Variants in FAM169A observed in about 807,000 individuals in gnomAD.
The protein encoded by FAM169A is family with sequence similarity 169 member A, also known as soluble lamin-associated protein of 75 kDa.
Under a neutral mutation model 75.7 loss-of-function variants are expected in FAM169A, and 24 were observed. That is an observed-to-expected ratio of 0.32 (90% CI 0.23 to 0.45). The LOEUF (loss-of-function observed/expected upper bound fraction) is 0.45. FAM169A is among the 20% of genes least tolerant of loss of function. FAM169A has a pLI of 1.00. For synonymous variants in FAM169A, 271 were observed against 271.0 expected (o/e 1.00, Z 0.00); for missense variants, 673 against 784.0 (o/e 0.86, Z 1.69).
At position 74,801,725 on chromosome 5, in the gene FAM169A, G is replaced by A. The variant is rs1746589622; in HGVS notation, c.913-96C>T. 4.4e-6 allele frequency: 4 copies of A among 914,776 alleles called. No individual in the cohort carries two copies. The East Asian group carries it at 7.3e-5, about 17-fold the overall frequency. 56.7% of individuals were successfully genotyped at this position (914,776 alleles called of 1,614,324 possible). A position where few individuals can be genotyped will look rare whatever the true frequency, so the allele number is the denominator to read the frequency against. On this transcript the variant is annotated intron_variant, in intron 8 of 12. Coordinates refer to ENST00000687041, the MANE Select transcript of FAM169A (RefSeq NM_001376049.1). ...AGTTTCAAAGAAAAACTTGTAAAAT[G>A]TTTTCCAAATAGCACTTTTTGTTAA...
intron 5 of FAM169A, among the ~76,000 whole-genome samples, chr5:74,821,604 G>A (rs573645995): frequency 2.0e-5 from 3 of 152,286 alleles, no homozygotes; most frequent in Non-Finnish European, 2.9e-5. Flanking sequence ...CAGTCTTCAT[G>A]CTCTATAAAT....
At chr5:74,853,833 G>C (rs527613641) in intron 1 of FAM169A, among the ~76,000 whole-genome samples, 1 of 147,894 alleles carries the variant, frequency 6.8e-6, no homozygotes, top group South Asian at 2.1e-4. Flanking sequence ...TCAGCCTCCC[G>C]AGTAGCTAGG....
At chr5:74,788,825 C>T (rs1051009744) in intron 11 of FAM169A, among the ~76,000 whole-genome samples, 2 of 152,140 alleles carry the variant, frequency 1.3e-5, no homozygotes, top group African/African-American at 2.4e-5. Context: ...CATCACATCA[C>T]GGTTCAACTC....
intron 11 of FAM169A, among the ~76,000 whole-genome samples, chr5:74,788,126 T>C (rs960290987): frequency 5.3e-5 from 8 of 152,166 alleles, no homozygotes; most frequent in African/African-American, 1.7e-4. Context: ...TGAGCTGACG[T>C]TGATTCCGGG....
chr5:74,802,840 A>G (rs1188114501), intron 8 of FAM169A, among the ~76,000 whole-genome samples: 1 of 152,092 alleles, frequency 6.6e-6, no homozygotes, highest in African/African-American at 2.4e-5. Context: ...GCTTCAACCA[A>G]CTTGTAGTCC....
chr5:74,789,361 A>G (rs1745859527), intron 11 of FAM169A, among the ~76,000 whole-genome samples: 1 of 152,208 alleles, frequency 6.6e-6, no homozygotes, highest in Non-Finnish European at 1.5e-5. Flanking sequence ...CTGTTGAGAT[A>G]TTCCTTCTAA....
At chr5:74,806,091 C>A (rs1004639328) in intron 6 of FAM169A, among the ~76,000 whole-genome samples, 4 of 150,942 alleles carry the variant, frequency 2.7e-5, no homozygotes, top group African/African-American at 9.7e-5. Context: ...GTATTTGAAA[C>A]CAAGCATTTA....
intron 5 of FAM169A, among the ~76,000 whole-genome samples, chr5:74,814,386 TG>T (rs933965589): frequency 2.6e-5 from 4 of 152,156 alleles, no homozygotes; most frequent in African/African-American, 9.6e-5. Flanking sequence ...GAAGAGTATT[TG>T]AAGACTATCA....
intron 11 of FAM169A, among the ~76,000 whole-genome samples, chr5:74,784,317 A>G (rs1745557997): frequency 6.6e-6 from 1 of 151,786 alleles, no homozygotes; most frequent in African/African-American, 2.4e-5. Context: ...AGAAACCAGC[A>G]TGGCCAATAT....
chr5:74,799,521 G>A, intron 10 of FAM169A: 1 of 1,574,216 alleles, frequency 6.4e-7, no homozygotes, highest in Non-Finnish European at 8.7e-7. Flanking sequence ...TTAAAGAAGT[G>A]GATGAAAAGC....
chr5:74,783,320 A>G (rs1181835064), intron 11 of FAM169A, among the ~76,000 whole-genome samples, 186 bp from the exon 12 acceptor site: 1 of 152,208 alleles, frequency 6.6e-6, no homozygotes, highest in Non-Finnish European at 1.5e-5. Flanking sequence ...ATATCAGCAA[A>G]ATAAAATAAT....
intron 5 of FAM169A, among the ~76,000 whole-genome samples, chr5:74,824,706 CAT>C (rs1747930619): frequency 3.2e-5 from 4 of 124,362 alleles, no homozygotes; most frequent in African/African-American, 1.8e-4. Context: ...GATACACACA[CAT>C]ACACACACAC....
chr5:74,787,062 CTAGAGG>C (rs779486509), intron 11 of FAM169A, among the ~76,000 whole-genome samples: 8 of 152,132 alleles, frequency 5.3e-5, no homozygotes, highest in Non-Finnish European at 1.0e-4. Context: ...CGGTGGCCTC[CTAGAGG>C]TGAAGTTCAG....
At chr5:74,811,159 T>C (rs1421602360) in intron 6 of FAM169A, among the ~76,000 whole-genome samples, 2 of 152,006 alleles carry the variant, frequency 1.3e-5, no homozygotes, top group African/African-American at 2.4e-5. Context: ...AATTTTCACA[T>C]TTTTAATGGA....
chr5:74,833,848 T>C (rs1748440400), intron 5 of FAM169A, among the ~76,000 whole-genome samples: 1 of 152,152 alleles, frequency 6.6e-6, no homozygotes, highest in Admixed American at 6.5e-5. Context: ...GTAAAGCAGG[T>C]ATGAGGTTGC....
intron 5 of FAM169A, among the ~76,000 whole-genome samples, chr5:74,833,749 A>G (rs1403186081): frequency 1.3e-5 from 2 of 152,186 alleles, no homozygotes; most frequent in Non-Finnish European, 2.9e-5. Flanking sequence ...TGATGGTCAC[A>G]AGGTGTGGAT....
rs536853735 is a variant in FAM169A, at chr5:74,827,835, G to T, written c.490+6591C>A. Among the ~76,000 whole-genome samples, 307 of 149,516 alleles carry T rather than the reference G, an allele frequency of 2.1e-3. 1 individual carries two copies. Among genetic ancestry groups the T allele is most frequent in the Middle Eastern group, 6.9e-3 (2 of 288 alleles). On this transcript the variant is annotated intron_variant, in intron 5 of 12. Transcript: ENST00000687041. ...CCGCCATCATGCCCGGCTAATTTTTGTATTTTTTTTTGTACAGACGGAGTT... is the reference window on the plus strand; with the variant it reads ...CCGCCATCATGCCCGGCTAATTTTTTTATTTTTTTTTGTACAGACGGAGTT...
At chr5:74,822,610 T>C (rs1747820045) in intron 5 of FAM169A, among the ~76,000 whole-genome samples, 1 of 152,184 alleles carries the variant, frequency 6.6e-6, no homozygotes, top group Non-Finnish European at 1.5e-5. Context: ...CTCATACCAA[T>C]ATTCACAAAT....
At chr5:74,834,392 T>C (rs1165801212) in intron 5 of FAM169A, 34 bp downstream of exon 5, 3 of 1,345,010 alleles carry the variant, frequency 2.2e-6, no homozygotes, top group South Asian at 4.2e-5. Context: ...GAGATTTCCA[T>C]AATACACAGT....
Sources: gnomAD v4.1 joint callset for allele counts (sites outside exome capture counted in the v4.1 genomes callset) on GRCh38, gnomAD v4.1.1 for gene constraint, MANE v1.5 for transcripts, NCBI Gene and HGNC (gene_info 2026-07-23, HGNC 2026-07-21) for gene names.